The following CAST variants were observed in gnomAD, a reference collection of about 807,000 sequenced individuals.
CAST encodes MIR583 host.
CAST carries 76 observed loss-of-function variants against 119.6 expected under a neutral mutation model. That is an observed-to-expected ratio of 0.64 (90% CI 0.53 to 0.77). The LOEUF (loss-of-function observed/expected upper bound fraction) is 0.77. Among genes scored for constraint, CAST ranks in the 30% least tolerant of loss-of-function variants. The pLI is 0.00. For missense variants in CAST, 953 were observed against 946.5 expected (o/e 1.01, Z -0.09); for synonymous variants, 319 against 331.6 (o/e 0.96, Z 0.41).
At chr5:96,071,680 A>T in the CAST span, among the ~76,000 whole-genome samples, 1 of 151,116 alleles carries the variant, frequency 6.6e-6, no homozygotes, top group African/African-American at 2.4e-5. Flanking sequence ...ATGCTGTTTT[A>T]CTCCCCGGAT....
intron 25 of CAST, chr5:96,762,631 G>T (rs1413015110): frequency 2.3e-5 from 9 of 395,226 alleles, no homozygotes; most frequent in Non-Finnish European, 3.6e-5. Context: ...TATAAGAATT[G>T]AAAGTGCAAT....
At chr5:96,327,640 G>A in the CAST span, among the ~76,000 whole-genome samples, 1 of 152,220 alleles carries the variant, frequency 6.6e-6, no homozygotes, top group African/African-American at 2.4e-5. Context: ...AAGACACTTA[G>A]AGACATCTTG....
At chr5:96,479,160 G>T in the CAST span, among the ~76,000 whole-genome samples, 1 of 152,202 alleles carries the variant, frequency 6.6e-6, no homozygotes, top group South Asian at 2.1e-4. Context: ...CACCTGCTTA[G>T]TACAGGCTCT....
At chr5:96,254,967 G>A in the CAST span, among the ~76,000 whole-genome samples, 25 of 152,002 alleles carry the variant, frequency 1.6e-4, no homozygotes, top group Non-Finnish European at 3.2e-4. Flanking sequence ...AGTCTTTTCA[G>A]TTATTCTTAA....
chr5:96,190,763 T>C, the CAST span, among the ~76,000 whole-genome samples: 2 of 152,200 alleles, frequency 1.3e-5, no homozygotes, highest in Non-Finnish European at 2.9e-5. Context: ...AGGATTTACA[T>C]GTGCAGGTTT....
chr5:96,023,791 T>G, the CAST span, among the ~76,000 whole-genome samples: 1 of 151,218 alleles, frequency 6.6e-6, no homozygotes, highest in Non-Finnish European at 1.5e-5. Flanking sequence ...ATAAGAGGAG[T>G]AGGAATTAAA....
At position 96,533,971 on chromosome 5, in the gene CAST, T is replaced by C. The variant is rs143859294; in HGVS notation, c.60+4091T>C. ...TTAGCAGACATTTCCTAAAATAAAT[T>C]AAATGAGCCTGTCACTTCCAAGAAA... is the stretch of plus-strand genomic sequence containing the variant. On this transcript the variant is annotated intron_variant, in intron 1 of 11. Coordinates refer to the CAST transcript ENST00000505143. Among the ~76,000 whole-genome samples the C allele has an allele frequency of 1.2e-3, 190 of 152,320 alleles. 2 individuals carry two copies. Among genetic ancestry groups the C allele is most frequent in the African/African-American group, 4.5e-3 (187 of 41,560 alleles).
chr5:96,339,116 T>C, the CAST span, among the ~76,000 whole-genome samples: 1 of 152,216 alleles, frequency 6.6e-6, no homozygotes, highest in African/African-American at 2.4e-5. Flanking sequence ...CGGGTGATTA[T>C]TATAGTTTTT....
the CAST span, among the ~76,000 whole-genome samples, chr5:96,356,361 G>A: frequency 1.3e-3 from 200 of 152,182 alleles, 1 homozygote; most frequent in African/African-American, 4.5e-3. Context: ...GTCAATTTTG[G>A]CTTTTGTTGC....
At chr5:96,412,752 GTTTTTTTTTTTT>G in the CAST span, among the ~76,000 whole-genome samples, 3 of 71,832 alleles carry the variant, frequency 4.2e-5, no homozygotes, top group African/African-American at 2.7e-4. Flanking sequence ...CAGCTGTGAT[GTTTTTTTTTTTT>G]TTTTTTTTTT....
the CAST span, among the ~76,000 whole-genome samples, chr5:96,006,302 A>G: frequency 2.6e-5 from 4 of 152,158 alleles, no homozygotes; most frequent in South Asian, 2.1e-4. Context: ...CTGGGCCACA[A>G]TGGAAGAAGA....
At chr5:96,717,168 A>G (rs1757330689) in intron 3 of CAST, among the ~76,000 whole-genome samples, 1 of 152,220 alleles carries the variant, frequency 6.6e-6, no homozygotes, top group African/African-American at 2.4e-5. Flanking sequence ...CTGCCTCTTG[A>G]TAAATTTATA....
At chr5:96,555,587 C>G (rs139595756) in intron 1 of CAST, among the ~76,000 whole-genome samples, 1 of 152,190 alleles carries the variant, frequency 6.6e-6, no homozygotes, top group Non-Finnish European at 1.5e-5. Context: ...TATCCCGCAC[C>G]TGGCTTGAAG....
chr5:95,973,282 G>T, the CAST span: 1 of 171,788 alleles, frequency 5.8e-6, no homozygotes, highest in Non-Finnish European at 1.3e-5. Context: ...AGTGCTCTCA[G>T]TGTTTATGAT....
At chr5:96,612,480 T>G (rs563717166) in intron 1 of CAST, among the ~76,000 whole-genome samples, 1 of 152,310 alleles carries the variant, frequency 6.6e-6, no homozygotes, top group Admixed American at 6.5e-5. Flanking sequence ...CTGGGTACTA[T>G]GTTCACTCTC....
At position 96,773,706 on chromosome 5, in the gene CAST, T is replaced by C. The variant is rs761100928; in HGVS notation, c.*1090T>C. 1 of 152,314 alleles carries C rather than the reference T, an allele frequency of 6.6e-6. No homozygotes were observed. The highest frequency in any genetic ancestry group is 1.5e-5 in the Non-Finnish European group (1 of 68,024). 9.4% of individuals were successfully genotyped at this position (152,314 alleles called of 1,614,324 possible). On this transcript the variant is annotated 3_prime_UTR_variant, in exon 32 of 32. Transcript: ENST00000675179. ...AATGGTTTTCTAATATCTTAATGAA[T>C]AGTTCCTGAACATTGCACTGATATC...
chr5:96,683,309 T>A (rs1335384120), intron 2 of CAST, among the ~76,000 whole-genome samples: 3 of 152,196 alleles, frequency 2.0e-5, no homozygotes, highest in African/African-American at 7.2e-5. Flanking sequence ...TCTGCCTAGA[T>A]TTTTGGCATT....
the CAST span, among the ~76,000 whole-genome samples, chr5:96,465,534 A>G: frequency 6.6e-6 from 1 of 152,122 alleles, no homozygotes; most frequent in Admixed American, 6.6e-5. Flanking sequence ...TCTTTTCATT[A>G]ATACATAATA....
chr5:96,091,914 G>A, the CAST span, among the ~76,000 whole-genome samples: 1 of 152,276 alleles, frequency 6.6e-6, no homozygotes, highest in East Asian at 1.9e-4. Flanking sequence ...CTCAGTCAGG[G>A]TTAGTACCAA....
Sources: gnomAD v4.1 joint callset for allele counts (sites outside exome capture counted in the v4.1 genomes callset) on GRCh38, gnomAD v4.1.1 for gene constraint, MANE v1.5 for transcripts, NCBI Gene and HGNC (gene_info 2026-07-23, HGNC 2026-07-21) for gene names.